Variants in DIS3L2 observed in about 807,000 individuals in gnomAD.
The protein encoded by DIS3L2 is DIS3 like 3'-5' exoribonuclease 2.
Under a neutral mutation model 97.5 loss-of-function variants are expected in DIS3L2, and 34 were observed. The observed-to-expected ratio is 0.35, with a 90% CI of 0.27 to 0.46. The LOEUF (loss-of-function observed/expected upper bound fraction) is 0.46, where lower values mean the gene tolerates loss of function less well. Ranked by LOEUF, DIS3L2 falls within the 20% of genes least tolerant of loss-of-function variation. DIS3L2 has a pLI of 1.00. For synonymous variants in DIS3L2, 435 were observed against 445.2 expected (o/e 0.98, Z 0.29); for missense variants, 1,038 against 1,146.0 (o/e 0.91, Z 1.36).
intron 5 of DIS3L2, among the ~76,000 whole-genome samples, chr2:232,068,849 C>T (rs7586296): frequency 5.9e-5 from 9 of 151,900 alleles, no homozygotes; most frequent in Non-Finnish European, 1.2e-4. Flanking sequence ...GAGACAGTCT[C>T]ACTCTGTCAG....
chr2:232,135,455 T>G (rs562424802), intron 7 of DIS3L2, among the ~76,000 whole-genome samples: 12 of 152,220 alleles, frequency 7.9e-5, no homozygotes, highest in African/African-American at 2.9e-4. Context: ...GACAGTTACA[T>G]GCAAGGGAGT....
chr2:232,121,438 A>C (rs1217381999), intron 6 of DIS3L2, among the ~76,000 whole-genome samples: 1 of 151,984 alleles, frequency 6.6e-6, no homozygotes, highest in Non-Finnish European at 1.5e-5. Flanking sequence ...GAAAGAGTCT[A>C]CTCATTCATT....
chr2:232,329,785 T>TCCCGGGCC, intron 14 of DIS3L2, 28 bp from the exon 15 acceptor site: 1 of 967,142 alleles, frequency 1.0e-6, no homozygotes, highest in Non-Finnish European at 1.5e-6. Context: ...ACCCCAGCGG[T>TCCCGGGCC]CCCTCCCATC....
intron 10 of DIS3L2, 71 bp downstream of exon 10, chr2:232,210,476 C>A: frequency 7.2e-7 from 1 of 1,385,068 alleles, no homozygotes; most frequent in Non-Finnish European, 1.0e-6. Flanking sequence ...GCCTGGCTGC[C>A]CTGTGCTGCC....
intron 10 of DIS3L2, among the ~76,000 whole-genome samples, chr2:232,227,403 T>C (rs1322230848): frequency 6.6e-6 from 1 of 152,170 alleles, no homozygotes; most frequent in Non-Finnish European, 1.5e-5. Flanking sequence ...TCTTTATCTG[T>C]AGAAAGAGAT....
intron 13 of DIS3L2, among the ~76,000 whole-genome samples, chr2:232,284,602 T>C (rs974661246): frequency 2.0e-5 from 3 of 152,236 alleles, no homozygotes; most frequent in Admixed American, 2.0e-4. Context: ...GCACCTGTTT[T>C]GTTGAAAATT....
At chr2:232,123,344 T>C (rs985976222) in intron 6 of DIS3L2, among the ~76,000 whole-genome samples, 7 of 152,176 alleles carry the variant, frequency 4.6e-5, no homozygotes, top group Non-Finnish European at 7.4e-5. Context: ...AATACTTTCC[T>C]CATGGGGTTG....
intron 14 of DIS3L2, among the ~76,000 whole-genome samples, chr2:232,304,573 C>G (rs1694941035): frequency 6.6e-6 from 1 of 152,132 alleles, no homozygotes; most frequent in Non-Finnish European, 1.5e-5. Flanking sequence ...AGACAAGGAG[C>G]TTTGTCAGAA....
At chr2:232,201,712 T>C (rs752800534) in intron 9 of DIS3L2, among the ~76,000 whole-genome samples, 57 of 152,330 alleles carry the variant, frequency 3.7e-4, no homozygotes, top group South Asian at 1.0e-3. Flanking sequence ...AGAATGCCCT[T>C]AGTTTTGGAC....
intron 11 of DIS3L2, among the ~76,000 whole-genome samples, chr2:232,241,700 A>G (rs546607782): frequency 6.6e-6 from 1 of 152,218 alleles, no homozygotes; most frequent in Non-Finnish European, 1.5e-5. Flanking sequence ...GCCCACCTGA[A>G]TTTTGGTCTG....
chr2:232,071,675 A>G (rs1696023177), intron 5 of DIS3L2, among the ~76,000 whole-genome samples: 1 of 152,224 alleles, frequency 6.6e-6, no homozygotes, highest in Non-Finnish European at 1.5e-5. Flanking sequence ...TGAGAAAGTC[A>G]AGGTCTTGTA....
chr2:231,989,975 C>T (rs745973601), intron 1 of DIS3L2, among the ~76,000 whole-genome samples: 9 of 152,076 alleles, frequency 5.9e-5, no homozygotes, highest in Non-Finnish European at 1.2e-4. Context: ...GAAGTACTGC[C>T]CCTGAGTTAC....
chr2:232,181,903 C>T (rs952173883), intron 9 of DIS3L2, among the ~76,000 whole-genome samples: 3 of 152,112 alleles, frequency 2.0e-5, no homozygotes, highest in Admixed American at 6.5e-5. Flanking sequence ...CTGCCCACCT[C>T]AGCCTCCCAA....
intron 5 of DIS3L2, among the ~76,000 whole-genome samples, chr2:232,038,980 G>C: frequency 6.6e-6 from 1 of 152,180 alleles, no homozygotes; most frequent in Admixed American, 6.5e-5. Context: ...CTCCTACAGA[G>C]GGGCTGCTGG....
At chr2:232,172,648 CT>C (rs763039612) in intron 9 of DIS3L2, 1 of 529,076 alleles carries the variant, frequency 1.9e-6, no homozygotes, top group Admixed American at 2.0e-5. Flanking sequence ...GGGTATACAC[CT>C]AGGAGTGAAA....
intron 9 of DIS3L2, among the ~76,000 whole-genome samples, chr2:232,200,883 A>G (rs1005897264): frequency 3.3e-5 from 5 of 150,236 alleles, no homozygotes; most frequent in African/African-American, 9.8e-5. Context: ...TCCTGGGTTC[A>G]AGCAATTCTC....
chr2:232,312,992 C>G (rs928034355), intron 14 of DIS3L2, among the ~76,000 whole-genome samples: 1 of 152,042 alleles, frequency 6.6e-6, no homozygotes, highest in African/African-American at 2.4e-5. Context: ...AACAATATTT[C>G]AGTTCAGTGT....
rs193036549 is a variant in DIS3L2, at chr2:232,040,683, G to T, written c.366+10603G>T. Reference sequence around the variant, plus strand: ...AACTGCTAACTTACTGGTGCTTACCGTGTACCAGGTACTGTGTTTAGTGTC... The same window carrying T: ...AACTGCTAACTTACTGGTGCTTACCTTGTACCAGGTACTGTGTTTAGTGTC... On this transcript the variant is annotated intron_variant, in intron 5 of 20. Coordinates refer to ENST00000325385, the MANE Select transcript of DIS3L2 (RefSeq NM_152383.5). Among the ~76,000 whole-genome samples, 49 of 152,244 alleles carry T rather than the reference G, an allele frequency of 3.2e-4. No homozygotes were observed. In the East Asian group the frequency reaches 9.5e-3, roughly 29 times the overall value.
At position 232,273,461 on chromosome 2, in the gene DIS3L2, G is replaced by A. The variant is rs562521542; in HGVS notation, c.1659+10021G>A. Among the ~76,000 whole-genome samples, 265 of 152,330 alleles carry A rather than the reference G, an allele frequency of 1.7e-3. 1 individual carries two copies. Among genetic ancestry groups the A allele is most frequent in the African/African-American group, 6.2e-3 (257 of 41,570 alleles). On this transcript the variant is annotated intron_variant, in intron 13 of 20. Coordinates refer to ENST00000325385, the MANE Select transcript of DIS3L2 (RefSeq NM_152383.5). The stretch of plus-strand genomic sequence containing the variant: ...TGGATTGTAGCTCTAGAAGAGAGGC[G>A]TGTTTATATAAGAGGATTAGATACA...
Sources: allele counts gnomAD v4.1 joint callset (sites outside exome capture counted in the v4.1 genomes callset), GRCh38; gene constraint gnomAD v4.1.1; transcripts MANE v1.5; gene names NCBI Gene and HGNC (gene_info 2026-07-23, HGNC 2026-07-21).